The following NLGN4Y variants were observed in gnomAD, a reference collection of about 807,000 sequenced individuals.
NLGN4Y encodes neuroligin-4, Y-linked.
A neutral mutation model predicts 8.4 loss-of-function variants in NLGN4Y; 4 were observed. That is an observed-to-expected ratio of 0.48 (90% CI 0.23 to 1.09). NLGN4Y has a LOEUF of 1.09. Ranked by LOEUF, NLGN4Y falls within the 50% of genes least tolerant of loss-of-function variation. The probability of loss-of-function intolerance (pLI) is 0.19; values close to 1 mark genes in which losing one functional copy is unlikely to be tolerated. For synonymous variants in NLGN4Y, 35 were observed against 75.6 expected, an observed-to-expected ratio of 0.46 and a Z score of 2.78; for missense variants, 90 against 192.3, an observed-to-expected ratio of 0.47 and a Z score of 3.15.
intron 4 of NLGN4Y, among the ~76,000 whole-genome samples, chrY:14,727,326 G>A: frequency 3.1e-5 from 1 of 32,343 alleles, no homozygotes; most frequent in Admixed American, 2.8e-4. Context: ...CAATTAGGAA[G>A]CACCCTTAAT....
At chrY:14,806,323 T>C (rs1048845293) in intron 4 of NLGN4Y, among the ~76,000 whole-genome samples, 4 of 32,598 alleles carry the variant, frequency 1.2e-4, no homozygotes, top group African/African-American at 4.8e-4. Context: ...CAAAATCTAA[T>C]GGACCATACA....
At chrY:14,577,793 T>C (rs937092289) in intron 1 of NLGN4Y, among the ~76,000 whole-genome samples, 8 of 33,856 alleles carry the variant, frequency 2.4e-4, no homozygotes, top group Non-Finnish European at 3.7e-4. Context: ...GCATCTGTTG[T>C]TTCCTGACAT....
intron 1 of NLGN4Y, among the ~76,000 whole-genome samples, chrY:14,539,728 T>G: frequency 3.1e-5 from 1 of 32,728 alleles, no homozygotes; most frequent in Non-Finnish European, 7.5e-5. Context: ...TCTGTAAGCA[T>G]TTGTATTCAG....
intron 2 of NLGN4Y, among the ~76,000 whole-genome samples, chrY:14,687,371 T>C (rs945298740): frequency 1.2e-4 from 4 of 32,396 alleles, no homozygotes; most frequent in African/African-American, 3.6e-4. Context: ...AGTGTAATTG[T>C]CTGCTCTCAT....
At chrY:14,777,096 C>CA (rs2081128916) in intron 4 of NLGN4Y, among the ~76,000 whole-genome samples, 2 of 32,682 alleles carry the variant, frequency 6.1e-5, no homozygotes, top group African/African-American at 2.4e-4. Context: ...ACTGGTTCAG[C>CA]AAAAAAGAAA....
chrY:14,602,169 T>C, intron 1 of NLGN4Y, among the ~76,000 whole-genome samples: 1 of 33,379 alleles, frequency 3.0e-5, no homozygotes, highest in Non-Finnish European at 7.4e-5. Flanking sequence ...AGAAATAGAT[T>C]TTCTCTTCAA....
chrY:14,551,334 A>G, intron 1 of NLGN4Y, among the ~76,000 whole-genome samples: 1 of 33,309 alleles, frequency 3.0e-5, no homozygotes, highest in African/African-American at 1.2e-4. Context: ...ACACAATAAT[A>G]GTGGGAGATT....
intron 2 of NLGN4Y, among the ~76,000 whole-genome samples, chrY:14,638,141 A>G (rs2080574119): frequency 3.1e-5 from 1 of 32,362 alleles, no homozygotes; most frequent in Non-Finnish European, 7.5e-5. Context: ...CGTCATCTAC[A>G]TTAGGTATTT....
chrY:14,739,825 A>G, intron 4 of NLGN4Y, among the ~76,000 whole-genome samples: 4 of 32,068 alleles, frequency 1.2e-4, no homozygotes, highest in African/African-American at 4.9e-4. Flanking sequence ...GCTGCAAGGG[A>G]CAGGAAAACA....
intron 2 of NLGN4Y, among the ~76,000 whole-genome samples, chrY:14,702,314 A>AC: frequency 1.0e-4 from 3 of 29,722 alleles, no homozygotes; most frequent in Non-Finnish European, 2.4e-4. Context: ...CCTACCCCCT[A>AC]CCCCCACCCC....
chrY:14,738,462 G>C, intron 4 of NLGN4Y, among the ~76,000 whole-genome samples: 1 of 32,659 alleles, frequency 3.1e-5, no homozygotes, highest in Non-Finnish European at 7.5e-5. Context: ...ATTAAGACTT[G>C]TTGCCTCAGT....
intron 1 of NLGN4Y, among the ~76,000 whole-genome samples, chrY:14,544,778 CT>C (rs2080162466): frequency 2.2e-3 from 55 of 25,331 alleles, no homozygotes; most frequent in East Asian, 0.014. Context: ...GTGCAATTTT[CT>C]TTTTTTTTTT....
chrY:14,585,112 A>T, intron 1 of NLGN4Y, among the ~76,000 whole-genome samples: 1 of 33,858 alleles, frequency 3.0e-5, no homozygotes. Context: ...TCCTACCAAC[A>T]TTGATAATGG....
intron 4 of NLGN4Y, among the ~76,000 whole-genome samples, chrY:14,809,514 A>G: frequency 3.0e-5 from 1 of 33,088 alleles, no homozygotes; most frequent in East Asian, 7.8e-4. Context: ...CCTAAAAAAT[A>G]TAATAAAATA....
At chrY:14,818,651 T>G in intron 4 of NLGN4Y, among the ~76,000 whole-genome samples, 1 of 33,155 alleles carries the variant, frequency 3.0e-5, no homozygotes, top group African/African-American at 1.2e-4. Context: ...GACCTTGGCA[T>G]AGTGGACATG....
upstream of NLGN4Y, chrY:14,524,329 A>G (rs1603498791): frequency 1.5e-4 from 13 of 86,075 alleles, no homozygotes; most frequent in East Asian, 4.0e-3. Context: ...CAATAGGCAC[A>G]CCATCCCCAC....
chrY:14,748,617 A>G, intron 4 of NLGN4Y: 1 of 185,141 alleles, frequency 5.4e-6, no homozygotes, highest in Non-Finnish European at 1.0e-5. Context: ...CATCTCATTC[A>G]GCACAAAACA....
chrY:14,705,511 T>G (rs1603503000), intron 2 of NLGN4Y, among the ~76,000 whole-genome samples: 2 of 33,354 alleles, frequency 6.0e-5, no homozygotes, highest in East Asian at 1.6e-3. Flanking sequence ...CTGAACAAAA[T>G]GCAGGCTTTA....
intron 4 of NLGN4Y, among the ~76,000 whole-genome samples, chrY:14,787,019 A>G: frequency 4.8e-5 from 1 of 21,031 alleles, no homozygotes; most frequent in Non-Finnish European, 1.0e-4. Flanking sequence ...TTATTTATTT[A>G]TTTATTTATT....
Sources: allele counts gnomAD v4.1 joint callset (sites outside exome capture counted in the v4.1 genomes callset), GRCh38; gene constraint gnomAD v4.1.1; transcripts MANE v1.5; gene names NCBI Gene and HGNC (gene_info 2026-07-23, HGNC 2026-07-21).